BACH2: variants seen among roughly 807,000 people sequenced by gnomAD.
BACH2 encodes the protein BACH transcriptional regulator 2, also known as transcription regulator protein BACH2.
A neutral mutation model predicts 61.8 loss-of-function variants in BACH2; 5 were observed. That is an observed-to-expected ratio of 0.08 (90% CI 0.04 to 0.17). The LOEUF (loss-of-function observed/expected upper bound fraction) is 0.17. Among genes scored for constraint, BACH2 ranks in the 10% least tolerant of loss-of-function variants. The probability of loss-of-function intolerance (pLI) is 1.00; values close to 1 mark genes in which losing one functional copy is unlikely to be tolerated. For missense variants in BACH2, 824 were observed against 1,091.1 expected, an observed-to-expected ratio of 0.76 and a Z score of 3.45; for synonymous variants, 446 against 440.1, an observed-to-expected ratio of 1.01 and a Z score of -0.17.
At chr6:89,952,124 CG>C in intron 6 of BACH2, 1 of 513,264 alleles carries the variant, frequency 1.9e-6, no homozygotes. Context: ...AAGATGACAA[CG>C]GGTTCAGTGT....
At chr6:90,092,106 C>G (rs1004841801) in intron 4 of BACH2, among the ~76,000 whole-genome samples, 1 of 151,424 alleles carries the variant, frequency 6.6e-6, no homozygotes, top group East Asian at 1.9e-4. Context: ...AAAAACAAAC[C>G]ACCATTAATA....
intron 4 of BACH2, among the ~76,000 whole-genome samples, chr6:90,133,063 T>G (rs1452982587): frequency 3.9e-5 from 6 of 152,222 alleles, no homozygotes; most frequent in Non-Finnish European, 8.8e-5. Flanking sequence ...CTTACTGCTT[T>G]GATGGCTATT....
chr6:89,993,080 A>G (rs1183528685), intron 6 of BACH2, among the ~76,000 whole-genome samples: 1 of 152,220 alleles, frequency 6.6e-6, no homozygotes, highest in Admixed American at 6.5e-5. Flanking sequence ...CTGTAAGCCC[A>G]AAGAGAGGCC....
At chr6:90,015,146 T>C (rs775005138) in intron 5 of BACH2, among the ~76,000 whole-genome samples, 5 of 152,188 alleles carry the variant, frequency 3.3e-5, no homozygotes, top group Non-Finnish European at 5.9e-5. Context: ...CCACCTCTCA[T>C]ATTACTGATA....
At chr6:90,274,987 C>A (rs950812097) in intron 1 of BACH2, among the ~76,000 whole-genome samples, 1 of 152,204 alleles carries the variant, frequency 6.6e-6, no homozygotes, top group Non-Finnish European at 1.5e-5. Flanking sequence ...TGGGTCCAAA[C>A]GCAGGGAGGA....
chr6:89,960,377 C>T (rs1774675517), intron 6 of BACH2, among the ~76,000 whole-genome samples: 1 of 152,242 alleles, frequency 6.6e-6, no homozygotes, highest in African/African-American at 2.4e-5. Flanking sequence ...CAGAGTTCAA[C>T]TCTCATGCTC....
intron 6 of BACH2, among the ~76,000 whole-genome samples, chr6:89,987,087 G>A (rs768127259): frequency 2.6e-5 from 4 of 152,160 alleles, no homozygotes; most frequent in African/African-American, 4.8e-5. Flanking sequence ...GTGGCAACTG[G>A]TGAGCTACTC....
At chr6:90,191,591 C>G (rs1768575663) in intron 4 of BACH2, among the ~76,000 whole-genome samples, 1 of 152,176 alleles carries the variant, frequency 6.6e-6, no homozygotes, top group African/African-American at 2.4e-5. Context: ...CACTAAGATC[C>G]AAATTCAAAT....
chr6:90,166,275 A>G (rs1187652231), intron 4 of BACH2, among the ~76,000 whole-genome samples: 5 of 152,194 alleles, frequency 3.3e-5, no homozygotes, highest in African/African-American at 9.6e-5. Context: ...AAAAGAAGAC[A>G]TTTATGCAGC....
In BACH2 at chr6:90,045,498, G is replaced by A. The variant is rs577683321; in HGVS notation, c.-12-36642C>T. On this transcript the variant is annotated intron_variant, in intron 5 of 8. Transcript: ENST00000257749. ...AAATACAACATCTGTAACACTGTACGTGCAACTTGTCATCTCTATTGAAGA... is the reference window on the plus strand; with the variant it reads ...AAATACAACATCTGTAACACTGTACATGCAACTTGTCATCTCTATTGAAGA... 5.3e-4 allele frequency among the ~76,000 whole-genome samples: 80 copies of A among 152,276 alleles called. No homozygotes were observed. The South Asian group carries it at 0.011, about 21-fold the overall frequency.
intron 5 of BACH2, among the ~76,000 whole-genome samples, chr6:90,045,369 G>C (rs1779728000): frequency 6.6e-6 from 1 of 152,186 alleles, no homozygotes; most frequent in African/African-American, 2.4e-5. Flanking sequence ...ATCACAGCAT[G>C]TTGTGCAGGC....
intron 6 of BACH2, among the ~76,000 whole-genome samples, chr6:89,973,555 A>G (rs923328281): frequency 3.9e-5 from 6 of 152,124 alleles, no homozygotes; most frequent in Admixed American, 3.3e-4. Context: ...GACCCTTGTA[A>G]TCATTCAGGA....
intron 6 of BACH2, among the ~76,000 whole-genome samples, chr6:89,952,753 G>A (rs1435059646): frequency 1.3e-5 from 2 of 152,210 alleles, no homozygotes; most frequent in East Asian, 3.9e-4. Context: ...GATTGAAAGT[G>A]TGCTATTTAT....
chr6:90,219,625 C>T (rs1033293218), intron 3 of BACH2, among the ~76,000 whole-genome samples: 6 of 152,190 alleles, frequency 3.9e-5, no homozygotes, highest in African/African-American at 7.2e-5. Flanking sequence ...ATTTACCATC[C>T]GCGGAATCTG....
At chr6:90,047,820 T>C (rs1438573812) in intron 5 of BACH2, among the ~76,000 whole-genome samples, 1 of 152,150 alleles carries the variant, frequency 6.6e-6, no homozygotes, top group Non-Finnish European at 1.5e-5. Context: ...ATTTTCCAAG[T>C]TATGGATCTC....
intron 3 of BACH2, chr6:90,218,314 T>A (rs886411274): frequency 2.0e-5 from 3 of 152,210 alleles, no homozygotes; most frequent in African/African-American, 7.2e-5. Flanking sequence ...GGCAAGCTGC[T>A]GGAGGCGCCG....
rs1774003818 is a variant in BACH2 at position 89,950,377 on chromosome 6, G to T, written c.1729C>A (p.Pro577Thr). ...TAAGACTGCTCACATTTAATTTGGG[G>T]CCGCACTTGGTTGTACATTCCATCT... The part of the protein sequence containing the change: ...MGDGMYNQVR[P>T]QIKCEQSYGT... Residue 577 changes from proline to threonine, a missense_variant, in exon 7 of 9, where the codon CCC becomes ACC. Physicochemically the swap from Pro to Thr is conservative, Grantham distance 38. Coordinates refer to ENST00000257749, the MANE Select transcript of BACH2 (RefSeq NM_021813.4). This position sits in a 1 kb window ranked among gnomAD's most constrained non-coding sequence, Gnocchi z 5.3. 6.2e-7 allele frequency: 1 copy of T among 1,614,158 alleles called. No individual in the cohort carries two copies.
chr6:90,218,523 T>A lies in BACH2; in HGVS notation c.-274-11842A>T, dbSNP rs571886353. Among the ~76,000 whole-genome samples, 564 of 151,446 alleles carry A rather than the reference T, an allele frequency of 3.7e-3. 3 individuals are homozygous for A. The highest frequency in any genetic ancestry group is 0.012 in the African/African-American group (510 of 41,246). ...TTTTCTTTCTTTTTTTTTTTTTTAATTTCCACTGCCTCACTGTGTTTTTGT... is the reference window on the plus strand; with the variant it reads ...TTTTCTTTCTTTTTTTTTTTTTTAAATTCCACTGCCTCACTGTGTTTTTGT... On this transcript the variant is annotated intron_variant, in intron 3 of 8. Transcript: ENST00000257749.
At chr6:90,119,293 G>GC (rs1206096236) in intron 4 of BACH2, among the ~76,000 whole-genome samples, 6 of 152,166 alleles carry the variant, frequency 3.9e-5, no homozygotes, top group Non-Finnish European at 7.3e-5. Flanking sequence ...TGTGGGCCCA[G>GC]CTCTGTCTTT....
Sources: gnomAD v4.1 joint callset for allele counts (sites outside exome capture counted in the v4.1 genomes callset) on GRCh38, gnomAD v4.1.1 for gene constraint, Gnocchi (gnomAD v3.1) non-coding constraint, MANE v1.5 for transcripts, NCBI Gene and HGNC (gene_info 2026-07-23, HGNC 2026-07-21) for gene names.